Variants in GTF2H5 observed in about 807,000 individuals in gnomAD.
GTF2H5 encodes TFB5 ortholog.
GTF2H5 carries 5 observed loss-of-function variants against 7.1 expected under a neutral mutation model. The observed-to-expected ratio is 0.71, with a 90% confidence interval of 0.37 to 1.49. The LOEUF is 1.49. Among genes scored for constraint, GTF2H5 ranks in the 40% most tolerant of loss-of-function variants. GTF2H5 has a pLI of 0.03. For missense variants in GTF2H5, 80 were observed against 83.0 expected, an observed-to-expected ratio of 0.96 and a Z score of 0.14; for synonymous variants, 30 against 31.7, an observed-to-expected ratio of 0.95 and a Z score of 0.18.
chr6:158,171,754 CGAA>C (rs1239953078), intron 2 of GTF2H5, among the ~76,000 whole-genome samples: 2 of 152,046 alleles, frequency 1.3e-5, no homozygotes, highest in African/African-American at 4.8e-5. Context: ...TGGTAGCTGA[CGAA>C]GGACATGGTG....
At position 158,195,187 on chromosome 6, in the gene GTF2H5, A is replaced by G. The variant is rs1456384502; in HGVS notation, c.*3030A>G. On this transcript the variant is annotated 3_prime_UTR_variant, in exon 3 of 3. Coordinates refer to ENST00000607778, the MANE Select transcript of GTF2H5 (RefSeq NM_207118.3). ...AAGTCCTAAAGGTAGCATTAAAATG[A>G]CTTAACTGGAGGCAGGAGGATCACT... The G allele has an allele frequency of 1.3e-5, 2 of 151,466 alleles. No homozygotes were observed. The highest frequency in any genetic ancestry group is 2.9e-5 in the Non-Finnish European group (2 of 67,934). 9.4% of individuals were successfully genotyped at this position (151,466 alleles called of 1,614,324 possible).
chr6:158,175,026 G>GTGTGTGTGTGTATATATA (rs1307497312), intron 2 of GTF2H5, among the ~76,000 whole-genome samples: 8 of 140,134 alleles, frequency 5.7e-5, no homozygotes, highest in African/African-American at 2.3e-4. Context: ...GTGTGTGTGT[G>GTGTGTGTGTGTATATATA]TGTGTGTGTG....
Position 158,192,031 on chromosome 6 carries a change from G to A in GTF2H5, c.90G>A (p.Gly30=). The A allele has an allele frequency of 6.2e-7, 1 of 1,613,964 alleles. No individual in the cohort carries two copies. The highest frequency in any genetic ancestry group is 8.5e-7 in the Non-Finnish European group (1 of 1,179,852). ...ACTTGGATGAGTCCAATGCCCTGGG[G>A]AAGAAGTTCATCATTCAAGACATTG... ...LLYLDESNAL[G]KKFIIQDIDD... Residue 30 remains glycine, a synonymous_variant, in exon 3 of 3, where the codon GGG becomes GGA. Coordinates refer to ENST00000607778, the MANE Select transcript of GTF2H5 (RefSeq NM_207118.3).
rs557805888 is a variant in GTF2H5 at position 158,198,913 on chromosome 6, G to A, written c.*6756G>A. On this transcript the variant is annotated 3_prime_UTR_variant, in exon 3 of 3. Coordinates refer to ENST00000607778, the MANE Select transcript of GTF2H5 (RefSeq NM_207118.3). ...ATGAGTCTTCCTGATCTCTTCAAAC[G>A]GGGTTTGTTTTGTTTTGCTTTGGGG... The A allele has an allele frequency of 6.6e-6, 1 of 152,202 alleles. No homozygotes were observed. Among genetic ancestry groups the A allele is most frequent in the East Asian group, 1.9e-4 (1 of 5,186 alleles). The allele number at this position is 152,202 out of a possible 1,614,324, so 9.4% of individuals were successfully genotyped here.
chr6:158,176,440 T>G (rs939532559), intron 2 of GTF2H5, among the ~76,000 whole-genome samples: 14 of 152,174 alleles, frequency 9.2e-5, no homozygotes, highest in Non-Finnish European at 2.9e-5. Flanking sequence ...TTGGCCAGGC[T>G]GGTCTTGAAC....
intron 1 of GTF2H5, among the ~76,000 whole-genome samples, chr6:158,168,601 G>T (rs763522188): frequency 2.0e-5 from 3 of 152,216 alleles, no homozygotes; most frequent in Non-Finnish European, 2.9e-5. Flanking sequence ...GTTTCCTGTG[G>T]GGCTAGGGCT....
chr6:158,179,976 GT>G (rs1338163395), intron 2 of GTF2H5, among the ~76,000 whole-genome samples: 8 of 152,272 alleles, frequency 5.3e-5, no homozygotes, highest in African/African-American at 1.7e-4. Context: ...CTGTGGGTTT[GT>G]CATAAATAGC....
chr6:158,173,676 G>A (rs1583628844), intron 2 of GTF2H5, among the ~76,000 whole-genome samples: 1 of 152,080 alleles, frequency 6.6e-6, no homozygotes, highest in Admixed American at 6.6e-5. Flanking sequence ...AGCCCTGGAA[G>A]CCAAGTTGGT....
At chr6:158,184,686 A>G (rs894567954) in intron 2 of GTF2H5, among the ~76,000 whole-genome samples, 1 of 152,206 alleles carries the variant, frequency 6.6e-6, no homozygotes, top group African/African-American at 2.4e-5. Flanking sequence ...GATATATGGA[A>G]TTTATGGAGT....
chr6:158,185,642 A>G (rs750942056), intron 2 of GTF2H5, among the ~76,000 whole-genome samples: 4 of 152,066 alleles, frequency 2.6e-5, no homozygotes, highest in Non-Finnish European at 5.9e-5. Flanking sequence ...GTCAGTTAGC[A>G]TATTTCCCCA....
intron 1 of GTF2H5, among the ~76,000 whole-genome samples, chr6:158,169,530 G>T (rs1452723134): frequency 1.4e-5 from 1 of 72,778 alleles, no homozygotes; most frequent in Admixed American, 2.6e-4. Flanking sequence ...ATAATATACA[G>T]TATATTATAT....
At position 158,173,589 on chromosome 6, in the gene GTF2H5, G is replaced by T. The variant is rs767141; in HGVS notation, c.35+3051G>T. On this transcript the variant is annotated intron_variant, in intron 2 of 2. Transcript: ENST00000607778. ...TTAGGTGTATTGGAGTATGGAATTTGATAGGTCTGGAGTTTACAGGCAGAC... is the reference window on the plus strand; with the variant it reads ...TTAGGTGTATTGGAGTATGGAATTTTATAGGTCTGGAGTTTACAGGCAGAC... Among the ~76,000 whole-genome samples the T allele has an allele frequency of 3.3e-3, 507 of 152,292 alleles. 4 individuals carry two copies. Among genetic ancestry groups the T allele is most frequent in the African/African-American group, 0.012 (481 of 41,560 alleles).
At chr6:158,168,609 G>A (rs1387478659) in intron 1 of GTF2H5, among the ~76,000 whole-genome samples, 1 of 152,218 alleles carries the variant, frequency 6.6e-6, no homozygotes, top group Non-Finnish European at 1.5e-5. Context: ...TGGGGCTAGG[G>A]CTCGCCCTGC....
intron 2 of GTF2H5, among the ~76,000 whole-genome samples, chr6:158,182,951 G>C (rs1786030381): frequency 6.6e-6 from 1 of 152,062 alleles, no homozygotes; most frequent in Non-Finnish European, 1.5e-5. Context: ...TGGAAGAGAA[G>C]AGGTGTTCTG....
intron 2 of GTF2H5, among the ~76,000 whole-genome samples, chr6:158,185,006 GTATGTA>G (rs1157958311): frequency 6.6e-6 from 1 of 151,922 alleles, no homozygotes; most frequent in Non-Finnish European, 1.5e-5. Context: ...GGGACTTCAA[GTATGTA>G]TATATGCTCT....
intron 2 of GTF2H5, among the ~76,000 whole-genome samples, chr6:158,189,879 A>G (rs7773620): frequency 0.38 from 58,100 of 151,986 alleles, 12,579 homozygotes; most frequent in African/African-American, 0.57. Flanking sequence ...GAATCCAGGG[A>G]TCAATTTTCA....
intron 2 of GTF2H5, among the ~76,000 whole-genome samples, chr6:158,178,934 C>T (rs1668605314): frequency 6.6e-6 from 1 of 152,100 alleles, no homozygotes. Context: ...ATGCCTGTGT[C>T]CTGAATGAAG....
rs1777153518 is a variant in GTF2H5, at chr6:158,198,874, G to A, written c.*6717G>A. On this transcript the variant is annotated 3_prime_UTR_variant, in exon 3 of 3. Coordinates refer to ENST00000607778, the MANE Select transcript of GTF2H5 (RefSeq NM_207118.3). ...CTTTGAAATTTTAAAACTTCTTAAT[G>A]TTGCCTGGAATACATGAGTCTTCCT... is the stretch of plus-strand genomic sequence containing the variant. 1 of 151,972 alleles carries A rather than the reference G, an allele frequency of 6.6e-6. No homozygotes were observed. Among genetic ancestry groups the A allele is most frequent in the African/African-American group, 2.4e-5 (1 of 41,362 alleles). 9.4% of individuals were successfully genotyped at this position (151,972 alleles called of 1,614,324 possible). A position where few individuals can be genotyped will look rare whatever the true frequency, so the allele number is the denominator to read the frequency against.
intron 2 of GTF2H5, among the ~76,000 whole-genome samples, chr6:158,184,441 C>A (rs187959875): frequency 1.3e-5 from 2 of 152,022 alleles, no homozygotes; most frequent in African/African-American, 4.8e-5. Context: ...ACAGTAAAAC[C>A]CCTATTATAT....
Sources: gnomAD v4.1 joint callset for allele counts (sites outside exome capture counted in the v4.1 genomes callset) on GRCh38, gnomAD v4.1.1 for gene constraint, MANE v1.5 for transcripts, NCBI Gene and HGNC (gene_info 2026-07-23, HGNC 2026-07-21) for gene names.